ANKFN1: variants seen among roughly 807,000 people sequenced by gnomAD.
ANKFN1 encodes the protein ankyrin repeat and fibronectin type III domain containing 1.
A neutral mutation model predicts 108.7 loss-of-function variants in ANKFN1; 74 were observed. The ratio of observed to expected loss-of-function variants is 0.68; its 90% CI spans 0.56 to 0.83. ANKFN1 has a LOEUF of 0.83. ANKFN1 is among the 40% of genes least tolerant of loss of function. The probability of loss-of-function intolerance (pLI) is 0.00; values close to 1 mark genes in which losing one functional copy is unlikely to be tolerated. For missense variants in ANKFN1, 1,505 were observed against 1,382.3 expected, an observed-to-expected ratio of 1.09 and a Z score of -1.41; for synonymous variants, 547 against 516.2, an observed-to-expected ratio of 1.06 and a Z score of -0.81.
At chr17:56,138,995 TAAC>T (rs947366752) in intron 4 of ANKFN1, among the ~76,000 whole-genome samples, 4 of 152,184 alleles carry the variant, frequency 2.6e-5, no homozygotes, top group African/African-American at 7.2e-5. Flanking sequence ...CATGTCCTCT[TAAC>T]AACCTTATTA....
At chr17:56,275,879 T>C (rs961474234) in intron 3 of ANKFN1, among the ~76,000 whole-genome samples, 1 of 152,200 alleles carries the variant, frequency 6.6e-6, no homozygotes, top group Non-Finnish European at 1.5e-5. Context: ...ATTATTATTA[T>C]ACTTTAAGTT....
At chr17:56,415,745 T>A (rs752686284) in intron 8 of ANKFN1, among the ~76,000 whole-genome samples, 1 of 152,110 alleles carries the variant, frequency 6.6e-6, no homozygotes, top group Non-Finnish European at 1.5e-5. Context: ...CAAAAGACCC[T>A]GTATAGCCAA....
Position 56,492,489 on chromosome 17 carries a change from T to C in ANKFN1, c.2427+136T>C, listed in dbSNP as rs2051073256. ...GTGTGTAAGTTGCCTATTGAGTTGG[T>C]TAAAATGTGGAGCTCAGGCAGATAA... On this transcript the variant is annotated intron_variant, in intron 19 of 20. Transcript: ENST00000682825. 5.4e-6 allele frequency: 3 copies of C among 554,300 alleles called. No homozygotes were observed. In the Admixed American group the frequency reaches 8.6e-5, roughly 16 times the overall value. The allele number at this position is 554,300 out of a possible 1,614,324, so 34.3% of individuals were successfully genotyped here.
At chr17:56,176,078 A>G (rs1911124006) in intron 1 of ANKFN1, among the ~76,000 whole-genome samples, 1 of 151,326 alleles carries the variant, frequency 6.6e-6, no homozygotes, top group East Asian at 1.9e-4. Flanking sequence ...GGAGGGGAGG[A>G]TTGTTCTTAT....
At position 56,457,968 on chromosome 17, in the gene ANKFN1, GCA is replaced by G. The variant is rs757679267; in HGVS notation, c.1549_1550del (p.Gln517AlafsTer16). The G allele has an allele frequency of 6.2e-7, 1 of 1,613,708 alleles. No individual in the cohort carries two copies. Among genetic ancestry groups the G allele is most frequent in the Non-Finnish European group, 8.5e-7 (1 of 1,179,732 alleles). On this transcript the variant is annotated frameshift_variant, in exon 14 of 21. Coordinates refer to ENST00000682825, the MANE Select transcript of ANKFN1 (RefSeq NM_001370326.1). LOFTEE classifies it high-confidence loss of function. ...QTRQKMLAAT[A>X]QLQNLLGTHN... The stretch of plus-strand genomic sequence containing the variant: ...TCGGCAGAAGATGCTCGCAGCAACA[GCA>G]CAGCTACAGGTAAGGGACCAGGTTT...
At chr17:56,086,192 A>C (rs1177436600) in intron 4 of ANKFN1, among the ~76,000 whole-genome samples, 5 of 150,980 alleles carry the variant, frequency 3.3e-5, no homozygotes, top group African/African-American at 4.9e-5. Flanking sequence ...GGATCACTTG[A>C]GGTCAGGAGT....
intron 4 of ANKFN1, among the ~76,000 whole-genome samples, chr17:56,052,992 A>G (rs1207259035): frequency 6.6e-6 from 1 of 152,202 alleles, no homozygotes; most frequent in Admixed American, 6.5e-5. Context: ...AGGGAATGAT[A>G]AAAAATGTAA....
At chr17:56,055,449 G>T (rs1342588952) in intron 4 of ANKFN1, among the ~76,000 whole-genome samples, 2 of 149,114 alleles carry the variant, frequency 1.3e-5, no homozygotes, top group African/African-American at 5.0e-5. Context: ...GTCTGTGTGT[G>T]TGTGTGTGTA....
chr17:56,239,869 G>C (rs1175784269), intron 3 of ANKFN1, among the ~76,000 whole-genome samples: 1 of 152,144 alleles, frequency 6.6e-6, no homozygotes, highest in Non-Finnish European at 1.5e-5. Flanking sequence ...TGTGGGAAGG[G>C]ATAGGGTCAG....
chr17:56,217,210 G>A (rs1915487189), intron 2 of ANKFN1, among the ~76,000 whole-genome samples: 1 of 152,098 alleles, frequency 6.6e-6, no homozygotes, highest in Admixed American at 6.5e-5. Flanking sequence ...CTTCTCCAGA[G>A]ATCTCACCTC....
chr17:56,491,625 G>A (rs1057062164), intron 18 of ANKFN1, among the ~76,000 whole-genome samples: 1 of 152,150 alleles, frequency 6.6e-6, no homozygotes, highest in Non-Finnish European at 1.5e-5. Context: ...ATCCAGAGGG[G>A]CCAAGAAGCG....
At chr17:56,098,765 C>T (rs1905583141) in intron 4 of ANKFN1, among the ~76,000 whole-genome samples, 1 of 152,134 alleles carries the variant, frequency 6.6e-6, no homozygotes, top group African/African-American at 2.4e-5. Context: ...ACCCAAACCT[C>T]ACCTTCAAAT....
rs758946020 is a variant in ANKFN1 at position 56,457,873 on chromosome 17, T to C, written c.1451T>C (p.Met484Thr). 1.2e-6 allele frequency: 2 copies of C among 1,613,142 alleles called. No individual in the cohort carries two copies. The highest frequency in any genetic ancestry group is 1.7e-6 in the Non-Finnish European group (2 of 1,179,476). Residue 484 changes from methionine to threonine, a missense_variant, in exon 14 of 21, where the codon ATG becomes ACG. Physicochemically the swap from Met to Thr is moderately conservative, Grantham distance 81. Transcript: ENST00000682825. ...DFLWFTKLSC[M>T]WEDIRWLRQS... is the part of the protein sequence containing the mutation. The stretch of plus-strand genomic sequence containing the variant: ...TGCCTTCTTTTGCAGCTGTCTTGTA[T>C]GTGGGAAGATATAAGGTGGCTGAGG...
intron 4 of ANKFN1, among the ~76,000 whole-genome samples, chr17:56,088,624 C>T (rs1325692322): frequency 1.3e-5 from 2 of 151,106 alleles, no homozygotes; most frequent in Non-Finnish European, 3.0e-5. Context: ...CTCCCCTCCC[C>T]AGCTACCTCT....
At chr17:56,197,007 C>T (rs530376169) in intron 1 of ANKFN1, among the ~76,000 whole-genome samples, 42 of 152,292 alleles carry the variant, frequency 2.8e-4, no homozygotes, top group Middle Eastern at 6.8e-3. Context: ...TTGGATATTT[C>T]CTAGTACTTC....
At chr17:56,190,742 A>G (rs1912828591) in intron 1 of ANKFN1, among the ~76,000 whole-genome samples, 1 of 143,988 alleles carries the variant, frequency 6.9e-6, no homozygotes, top group African/African-American at 2.7e-5. Context: ...CTTGGTGCAG[A>G]GCTGAGTTCA....
At chr17:56,452,111 A>C (rs2049508268) in intron 11 of ANKFN1, among the ~76,000 whole-genome samples, 3 of 152,210 alleles carry the variant, frequency 2.0e-5, no homozygotes, top group South Asian at 4.1e-4. Flanking sequence ...CGTGTTCATC[A>C]TAGCAATATC....
At chr17:56,150,420 C>T (rs1908528240), upstream of ANKFN1, among the ~76,000 whole-genome samples, 1 of 152,154 alleles carries the variant, frequency 6.6e-6, no homozygotes, top group Admixed American at 6.5e-5. Flanking sequence ...CCCTATTTTG[C>T]CACAGTCTCC....
intron 1 of ANKFN1, among the ~76,000 whole-genome samples, chr17:56,155,741 T>G (rs547364660): frequency 1.3e-5 from 2 of 152,254 alleles, no homozygotes; most frequent in East Asian, 3.9e-4. Context: ...GTCAGAAGGT[T>G]GGAGTGAGAT....
Sources: allele counts gnomAD v4.1 joint callset (sites outside exome capture counted in the v4.1 genomes callset), GRCh38; gene constraint gnomAD v4.1.1; transcripts MANE v1.5; gene names NCBI Gene and HGNC (gene_info 2026-07-23, HGNC 2026-07-21).